Variants in ARHGAP39 observed in about 807,000 individuals in gnomAD.
The protein encoded by ARHGAP39 is Rho GTPase activating protein 39.
A neutral mutation model predicts 106.9 loss-of-function variants in ARHGAP39; 44 were observed. That is an observed-to-expected ratio of 0.41 (90% CI 0.32 to 0.53). The LOEUF is 0.53. Ranked by LOEUF, ARHGAP39 falls within the 20% of genes least tolerant of loss-of-function variation. The pLI is 0.21. For synonymous variants in ARHGAP39, 768 were observed against 693.2 expected, an observed-to-expected ratio of 1.11 and a Z score of -1.69; for missense variants, 1,496 against 1,577.3, an observed-to-expected ratio of 0.95 and a Z score of 0.87.
chr8:144,637,629 A>T (rs911173653), intron 1 of ARHGAP39, among the ~76,000 whole-genome samples: 1 of 152,162 alleles, frequency 6.6e-6, no homozygotes, highest in Non-Finnish European at 1.5e-5. Context: ...CAAACAAAAA[A>T]CAATTATTTC....
At position 144,666,399 on chromosome 8, in the gene ARHGAP39, G is replaced by C. The variant is rs138532683; in HGVS notation, c.-82+19287C>G. On this transcript the variant is annotated intron_variant, in intron 1 of 11. Transcript: ENST00000377307. The stretch of plus-strand genomic sequence containing the variant: ...TTGGTTTTGAAATGTGAGGACATGA[G>C]TTTTGGAGGGGCCAGGGGTGGAATG... Among the ~76,000 whole-genome samples, 650 of 152,226 alleles carry C rather than the reference G, an allele frequency of 4.3e-3. 7 individuals carry two copies. Among genetic ancestry groups the C allele is most frequent in the African/African-American group, 0.015 (609 of 41,520 alleles).
At chr8:144,674,081 G>A (rs1246834779) in intron 1 of ARHGAP39, among the ~76,000 whole-genome samples, 2 of 152,046 alleles carry the variant, frequency 1.3e-5, no homozygotes, top group African/African-American at 2.4e-5. Context: ...TCCCCAAAGT[G>A]CTGCAGCTCT....
At chr8:144,560,841 TAAACAG>T (rs1298308027) in intron 3 of ARHGAP39, among the ~76,000 whole-genome samples, 1 of 152,218 alleles carries the variant, frequency 6.6e-6, no homozygotes, top group African/African-American at 2.4e-5. Context: ...AGAAACATTT[TAAACAG>T]AAACAGAAAC....
At chr8:144,693,312 C>A in the ARHGAP39 span, among the ~76,000 whole-genome samples, 6 of 151,974 alleles carry the variant, frequency 3.9e-5, no homozygotes, top group Non-Finnish European at 7.4e-5. Flanking sequence ...ATCCTCCCAC[C>A]TCGGCCTCCC....
intron 4 of ARHGAP39, among the ~76,000 whole-genome samples, chr8:144,554,281 C>A (rs1817832262): frequency 6.6e-6 from 1 of 152,182 alleles, no homozygotes; most frequent in Non-Finnish European, 1.5e-5. Context: ...GTGTGAGGGG[C>A]AGGACGCTGG....
chr8:144,618,881 C>G (rs1406639966), intron 1 of ARHGAP39, among the ~76,000 whole-genome samples: 1 of 152,264 alleles, frequency 6.6e-6, no homozygotes, highest in Non-Finnish European at 1.5e-5. Flanking sequence ...GTGGCGGGCA[C>G]AGTTGCGCAC....
rs1477437289 is a variant in ARHGAP39, at chr8:144,646,243, G to A, written c.-82+39443C>T. ...AACCGCAAACGTGTTCAACAGGGAAGAGCACGTATGGACCAGGCCAACAGG... is the reference window on the plus strand; with the variant it reads ...AACCGCAAACGTGTTCAACAGGGAAAAGCACGTATGGACCAGGCCAACAGG... On this transcript the variant is annotated intron_variant, in intron 1 of 11. Transcript: ENST00000377307. The surrounding 1 kb of genome is among the most constrained non-coding windows in gnomAD (Gnocchi z 5.7). Among the ~76,000 whole-genome samples, 1 of 152,216 alleles carries A rather than the reference G, an allele frequency of 6.6e-6. No individual in the cohort carries two copies. The highest frequency in any genetic ancestry group is 1.9e-4 in the East Asian group (1 of 5,188).
rs185224206 is a variant in ARHGAP39, at chr8:144,600,582, T to C, written c.80+4953A>G. 4.2e-4 allele frequency among the ~76,000 whole-genome samples: 60 copies of C among 143,518 alleles called. No individual in the cohort carries two copies. In the East Asian group the frequency reaches 0.012, roughly 29 times the overall value. 94.2% of individuals were successfully genotyped at this position (143,518 alleles called of 152,430 possible). A position where few individuals can be genotyped will look rare whatever the true frequency, so the allele number is the denominator to read the frequency against. On this transcript the variant is annotated intron_variant, in intron 2 of 11. Coordinates refer to ENST00000377307, the MANE Select transcript of ARHGAP39 (RefSeq NM_025251.3). ...TGTGCGTGGAGGCGTGCATGTGCAC[T>C]TGTATACCTGAGTGTGCGTGTTCGT...
chr8:144,597,556 G>A (rs892048756), intron 2 of ARHGAP39, among the ~76,000 whole-genome samples: 6 of 152,184 alleles, frequency 3.9e-5, no homozygotes, highest in African/African-American at 4.8e-5. Context: ...AGATCTACGC[G>A]ACGCCCTTGA....
At chr8:144,576,332 C>CAAAAAAA (rs67038997) in intron 3 of ARHGAP39, among the ~76,000 whole-genome samples, 1 of 63,798 alleles carries the variant, frequency 1.6e-5, no homozygotes, top group Non-Finnish European at 3.0e-5. Context: ...GACTCCGTCT[C>CAAAAAAA]AAAAAAAAAA....
rs966059636 is a variant in ARHGAP39, at chr8:144,645,714, G to A, written c.-82+39972C>T. On this transcript the variant is annotated intron_variant, in intron 1 of 11. Transcript: ENST00000377307. This position sits in a 1 kb window ranked among gnomAD's most constrained non-coding sequence, Gnocchi z 4.4. ...GAAAAAACCATCCCCAAACCCAGAC[G>A]TGCTCTCAGGAAGCAGAGCGATACA... 2.6e-5 allele frequency among the ~76,000 whole-genome samples: 4 copies of A among 152,226 alleles called. No homozygotes were observed. Among genetic ancestry groups the A allele is most frequent in the African/African-American group, 7.2e-5 (3 of 41,464 alleles).
Position 144,585,193 on chromosome 8 carries a change from A to AC in ARHGAP39, c.81-3917dup, listed in dbSNP as rs1302343853. 6.6e-6 allele frequency among the ~76,000 whole-genome samples: 1 copy of AC among 151,430 alleles called. No homozygotes were observed. Among genetic ancestry groups the AC allele is most frequent in the Admixed American group, 6.6e-5 (1 of 15,216 alleles). On this transcript the variant is annotated intron_variant, in intron 2 of 11. Transcript: ENST00000377307. The surrounding 1 kb of genome is among the most constrained non-coding windows in gnomAD (Gnocchi z 4.6). ...AAACCCCACAGCAGGGAGAACTGGG[A>AC]CCCCCCAGAAGCCTCTGCCGGTCCC...
At chr8:144,546,420 AC>A (rs1306344852) in intron 5 of ARHGAP39, among the ~76,000 whole-genome samples, 1 of 152,120 alleles carries the variant, frequency 6.6e-6, no homozygotes, top group Non-Finnish European at 1.5e-5. Flanking sequence ...CCTGGAGACC[AC>A]GAAGGCCACC....
In ARHGAP39 at chr8:144,641,751, C is replaced by G. The variant is rs578221583; in HGVS notation, c.-81-36056G>C. Among the ~76,000 whole-genome samples, 1 of 152,370 alleles carries G rather than the reference C, an allele frequency of 6.6e-6. No homozygotes were observed. The highest frequency in any genetic ancestry group is 1.5e-5 in the Non-Finnish European group (1 of 68,030). On this transcript the variant is annotated intron_variant, in intron 1 of 11. Transcript: ENST00000377307. The surrounding 1 kb of genome is among the most constrained non-coding windows in gnomAD (Gnocchi z 5.2). ...ACCCAAGCTCCTGCCACAGTCTGAGCTGGCCCCACAGGTACCCAAGAGTGT... is the reference window on the plus strand; with the variant it reads ...ACCCAAGCTCCTGCCACAGTCTGAGGTGGCCCCACAGGTACCCAAGAGTGT...
chr8:144,623,099 T>C (rs1353303118), intron 1 of ARHGAP39, among the ~76,000 whole-genome samples: 1 of 152,240 alleles, frequency 6.6e-6, no homozygotes, highest in Non-Finnish European at 1.5e-5. Context: ...GAATAAAATG[T>C]TCCTGGATCT....
chr8:144,536,332 C>A (rs1460247266), intron 7 of ARHGAP39, among the ~76,000 whole-genome samples: 1 of 152,208 alleles, frequency 6.6e-6, no homozygotes, highest in South Asian at 2.1e-4. Context: ...ACAGGTCTCC[C>A]AGGCCACCAG....
chr8:144,605,032 C>G (rs959174481), intron 2 of ARHGAP39, among the ~76,000 whole-genome samples: 2 of 152,134 alleles, frequency 1.3e-5, no homozygotes, highest in Admixed American at 6.5e-5. Context: ...GAGGCCTCGG[C>G]CTCCCAAAAG....
At chr8:144,674,747 C>T (rs192934182) in intron 1 of ARHGAP39, among the ~76,000 whole-genome samples, 23 of 152,334 alleles carry the variant, frequency 1.5e-4, no homozygotes, top group African/African-American at 4.1e-4. Flanking sequence ...AGCCCCTCCT[C>T]GGGCTCCCTC....
intron 1 of ARHGAP39, among the ~76,000 whole-genome samples, chr8:144,605,982 G>A (rs1372313391): frequency 7.9e-5 from 12 of 152,242 alleles, no homozygotes; most frequent in Non-Finnish European, 1.2e-4. Context: ...ATGGGCCGGG[G>A]CAGGCACAAG....
Sources: allele counts gnomAD v4.1 joint callset (sites outside exome capture counted in the v4.1 genomes callset), GRCh38; gene constraint gnomAD v4.1.1; non-coding constraint Gnocchi (gnomAD v3.1); transcripts MANE v1.5; gene names NCBI Gene and HGNC (gene_info 2026-07-23, HGNC 2026-07-21).